CAMK1D: variants seen among roughly 807,000 people sequenced by gnomAD.
CAMK1D encodes calcium/calmodulin-dependent protein kinase type 1D.
CAMK1D carries 9 observed loss-of-function variants against 47.7 expected under a neutral mutation model. The observed-to-expected ratio is 0.19, with a 90% CI of 0.11 to 0.33. The LOEUF is 0.33. Ranked by LOEUF, CAMK1D falls within the 10% of genes least tolerant of loss-of-function variation. CAMK1D has a pLI of 1.00. For missense variants in CAMK1D, 291 were observed against 488.7 expected (o/e 0.60, Z 3.81); for synonymous variants, 184 against 184.9 (o/e 0.99, Z 0.04).
At chr10:12,425,229 G>A (rs11592149) in intron 1 of CAMK1D, among the ~76,000 whole-genome samples, 36,602 of 151,060 alleles carry the variant, frequency 0.24, 4,585 homozygotes, top group Non-Finnish European at 0.27. Flanking sequence ...AGACCTTCCC[G>A]TTTTCTCTTC....
At chr10:12,601,773 C>T (rs1026287470) in intron 2 of CAMK1D, among the ~76,000 whole-genome samples, 1 of 152,192 alleles carries the variant, frequency 6.6e-6, no homozygotes, top group Non-Finnish European at 1.5e-5. Flanking sequence ...CAGTTCATTT[C>T]TTAAAGAGAC....
chr10:12,349,809 C>G lies in CAMK1D; in HGVS notation c.-10C>G. The G allele has an allele frequency of 7.0e-7, 1 of 1,419,820 alleles. No homozygotes were observed. The highest frequency in any genetic ancestry group is 1.3e-5 in the South Asian group (1 of 76,538). The allele number at this position is 1,419,820 out of a possible 1,614,324, so 88.0% of individuals were successfully genotyped here. ...CCCCCGGCCGCTCCTCCGCGCCGCG[C>G]TCGTCGGCCATGGCCCGGGAGAACG... is the stretch of plus-strand genomic sequence containing the variant. On this transcript the variant is annotated 5_prime_UTR_variant, in exon 1 of 11. Transcript: ENST00000619168.
In CAMK1D at chr10:12,549,979, T is replaced by C. The variant is rs1185317811; in HGVS notation, c.93-3246T>C. On this transcript the variant is annotated intron_variant, in intron 1 of 10. Coordinates refer to ENST00000619168, the MANE Select transcript of CAMK1D (RefSeq NM_153498.4). Reference sequence around the variant, plus strand: ...CTCTTACAGGCTTCCAAGGGTCCGATTGAGCAGGTTGTCCCCTCTGCGTTG... The same window carrying C: ...CTCTTACAGGCTTCCAAGGGTCCGACTGAGCAGGTTGTCCCCTCTGCGTTG... Among the ~76,000 whole-genome samples, 5 of 152,168 alleles carry C rather than the reference T, an allele frequency of 3.3e-5. No homozygotes were observed. The South Asian group carries it at 6.2e-4, about 19-fold the overall frequency.
At chr10:12,697,522 C>T (rs770099643) in intron 3 of CAMK1D, among the ~76,000 whole-genome samples, 4 of 152,164 alleles carry the variant, frequency 2.6e-5, no homozygotes, top group African/African-American at 7.2e-5. Context: ...CCTCAGCCTC[C>T]GGAGTAGCTG....
In CAMK1D at chr10:12,499,069, C is replaced by CTTTT. The variant is rs35158100; in HGVS notation, c.93-54142_93-54139dup. On this transcript the variant is annotated intron_variant, in intron 1 of 10. Transcript: ENST00000619168. ...TACTCTCTTGGCTTGTAAATTACAG[C>CTTTT]TTTTTTTTTTTTTTTTTGCATCGAT... is the stretch of plus-strand genomic sequence containing the variant. Among the ~76,000 whole-genome samples the CTTTT allele has an allele frequency of 5.5e-3, 679 of 123,062 alleles. 6 individuals carry two copies. The highest frequency in any genetic ancestry group is 0.019 in the African/African-American group (641 of 33,752). The allele number at this position is 123,062 out of a possible 152,430, so 80.7% of individuals were successfully genotyped here.
intron 1 of CAMK1D, among the ~76,000 whole-genome samples, chr10:12,427,241 CA>C (rs1211620129): frequency 6.6e-6 from 1 of 152,114 alleles, no homozygotes; most frequent in Non-Finnish European, 1.5e-5. Flanking sequence ...GGACTGATTC[CA>C]GAGGGTGGGT....
chr10:12,666,255 G>T (rs1428102107), intron 2 of CAMK1D, among the ~76,000 whole-genome samples: 1 of 152,070 alleles, frequency 6.6e-6, no homozygotes, highest in Non-Finnish European at 1.5e-5. Context: ...ACATGCCAGA[G>T]AAACTGTTCC....
At chr10:12,694,209 T>TATAATATATATTATATATTATAC (rs1833117574) in intron 3 of CAMK1D, among the ~76,000 whole-genome samples, 1 of 37,664 alleles carries the variant, frequency 2.7e-5, no homozygotes, top group African/African-American at 1.1e-4. Context: ...ATATATTATG[T>TATAATATATATTATATATTATAC]ATAATATAAA....
At chr10:12,541,887 C>CTTCCTTCCTTCCT (rs769998585) in intron 1 of CAMK1D, among the ~76,000 whole-genome samples, 3 of 126,860 alleles carry the variant, frequency 2.4e-5, no homozygotes, top group South Asian at 2.4e-4. Flanking sequence ...TCCTTCCTTC[C>CTTCCTTCCTTCCT]TTTTTTTTTT....
intron 3 of CAMK1D, among the ~76,000 whole-genome samples, chr10:12,691,398 TATATAAATATATATATATATA>T (rs1832908361): frequency 1.4e-3 from 10 of 7,216 alleles, no homozygotes; most frequent in East Asian, 6.3e-3. Flanking sequence ...TATATATATA[TATATAAATATATATATATATA>T]TATTTTTTTT....
chr10:12,426,458 C>T (rs1340595948), intron 1 of CAMK1D, among the ~76,000 whole-genome samples: 2 of 152,218 alleles, frequency 1.3e-5, no homozygotes, highest in Non-Finnish European at 1.5e-5. Context: ...ATTGGTCAGG[C>T]TGGTCTTGAA....
chr10:12,728,437 A>G (rs1834752659), intron 3 of CAMK1D, among the ~76,000 whole-genome samples: 1 of 152,160 alleles, frequency 6.6e-6, no homozygotes, highest in South Asian at 2.1e-4. Flanking sequence ...GCTGGGAGTA[A>G]TTGGCCACTA....
At chr10:12,674,239 T>C (rs1037572630) in intron 3 of CAMK1D, among the ~76,000 whole-genome samples, 9 of 152,250 alleles carry the variant, frequency 5.9e-5, no homozygotes, top group African/African-American at 2.2e-4. Context: ...CTGGCCCCCA[T>C]CTTTTCTGTC....
intron 1 of CAMK1D, among the ~76,000 whole-genome samples, chr10:12,452,596 T>A (rs576276785): frequency 1.8e-4 from 28 of 152,242 alleles, no homozygotes; most frequent in Admixed American, 5.2e-4. Flanking sequence ...TTTTGACTTT[T>A]TTTTTTTGAG....
At chr10:12,507,222 C>G (rs1445640283) in intron 1 of CAMK1D, among the ~76,000 whole-genome samples, 1 of 152,202 alleles carries the variant, frequency 6.6e-6, no homozygotes, top group Non-Finnish European at 1.5e-5. Context: ...ATGTATCTCA[C>G]AAGCTAATAC....
intron 1 of CAMK1D, among the ~76,000 whole-genome samples, chr10:12,496,887 C>T (rs1834555712): frequency 6.6e-6 from 1 of 152,116 alleles, no homozygotes; most frequent in African/African-American, 2.4e-5. Flanking sequence ...CTCTCCTTCC[C>T]CCCACAGCCA....
chr10:12,745,599 C>CTTT (rs1564531460), intron 3 of CAMK1D, among the ~76,000 whole-genome samples: 1 of 135,804 alleles, frequency 7.4e-6, no homozygotes, highest in East Asian at 2.1e-4. Flanking sequence ...TGCCAATTTT[C>CTTT]TTTTTTTCTT....
At chr10:12,476,432 G>A (rs552471109) in intron 1 of CAMK1D, among the ~76,000 whole-genome samples, 2 of 152,148 alleles carry the variant, frequency 1.3e-5, no homozygotes, top group South Asian at 2.1e-4. Flanking sequence ...CCCCAGAACA[G>A]GGGAGGAAGC....
rs1564499856 is a variant in CAMK1D at position 12,695,056 on chromosome 10, A to ATAGG, written c.299+28249_299+28250insGTAG. On this transcript the variant is annotated intron_variant, in intron 3 of 10. Transcript: ENST00000619168. Reference sequence around the variant, plus strand: ...GATAGATAGATAGATAGATAGATAGATAGATAGATACATAGGTAGATACAT... The same window carrying ATAGG: ...GATAGATAGATAGATAGATAGATAGATAGGTAGATAGATACATAGGTAGATACAT... Among the ~76,000 whole-genome samples, 6 of 71,944 alleles carry ATAGG rather than the reference A, an allele frequency of 8.3e-5. No homozygotes were observed. The East Asian group carries it at 2.8e-3, about 34-fold the overall frequency. The allele number at this position is 71,944 out of a possible 152,430, so 47.2% of individuals were successfully genotyped here. A position where few individuals can be genotyped will look rare whatever the true frequency, so the allele number is the denominator to read the frequency against.
Sources: gnomAD v4.1 joint callset for allele counts (sites outside exome capture counted in the v4.1 genomes callset) on GRCh38, gnomAD v4.1.1 for gene constraint, MANE v1.5 for transcripts, NCBI Gene and HGNC (gene_info 2026-07-23, HGNC 2026-07-21) for gene names.